APC: variants seen among roughly 807,000 people sequenced by gnomAD.
APC encodes adenomatous polyposis coli protein.
In APC, 72 loss-of-function variants were observed where a neutral mutation model predicts 247.0. The observed-to-expected ratio is 0.29, with a 90% CI of 0.24 to 0.35. APC has a LOEUF of 0.35. APC is among the 10% of genes least tolerant of loss of function. The pLI, the probability that APC is intolerant of heterozygous loss-of-function variation, is 1.00. For missense variants in APC, 3,400 were observed against 3,360.7 expected (o/e 1.01, Z -0.29); for synonymous variants, 1,254 against 1,162.5 (o/e 1.08, Z -1.60).
intron 1 of APC, among the ~76,000 whole-genome samples, chr5:112,727,661 A>G (rs1026245119): frequency 7.2e-5 from 11 of 152,094 alleles, no homozygotes; most frequent in African/African-American, 2.7e-4. Context: ...GATCATTTTG[A>G]TCTTGTTTTC....
intron 1 of APC, among the ~76,000 whole-genome samples, chr5:112,748,157 T>C (rs976625585): frequency 2.3e-4 from 35 of 152,278 alleles, no homozygotes; most frequent in African/African-American, 6.7e-4. Flanking sequence ...ACACGTGGTA[T>C]GGGCTTGGAT....
At chr5:112,709,395 T>G (rs759641653) in intron 1 of APC, among the ~76,000 whole-genome samples, 4 of 152,212 alleles carry the variant, frequency 2.6e-5, no homozygotes, top group Non-Finnish European at 5.9e-5. Flanking sequence ...GTTTGCTTCT[T>G]GTATGGGCTA....
chr5:112,843,081 A>C lies in APC; in HGVS notation c.7487A>C (p.His2496Pro), dbSNP rs1580683176. 6.2e-7 allele frequency: 1 copy of C among 1,613,986 alleles called. No individual in the cohort carries two copies. The highest frequency in any genetic ancestry group is 8.5e-7 in the Non-Finnish European group (1 of 1,179,882). Residue 2496 changes from histidine (H) to proline (P), a missense_variant, in exon 16 of 16, where the codon CAT (histidine) becomes CCT (proline). Around this residue, in one of 9 missense-constraint regions of APC, gnomAD observed 1,788 missense variants for 1,649.5 expected, o/e 1.08. Coordinates refer to ENST00000257430, the MANE Select transcript of APC (RefSeq NM_000038.6). The surrounding 1 kb of genome is among the most constrained non-coding windows in gnomAD (Gnocchi z 4.8). ...CTTCCTGATATGTCTCTATCCACACATTCGTCTGTTCAGGCTGGTGGATGG... is the reference window on the plus strand; with the variant it reads ...CTTCCTGATATGTCTCTATCCACACCTTCGTCTGTTCAGGCTGGTGGATGG... ...PSLPDMSLST[H>P]SSVQAGGWRK...
chr5:112,837,626 A>G lies in APC; in HGVS notation c.2032A>G (p.Ser678Gly), dbSNP rs1765094824. 1 of 1,612,942 alleles carries G rather than the reference A, an allele frequency of 6.2e-7. No individual in the cohort carries two copies. The change falls in exon 16 of 16, where the codon AGT becomes GGT. Residue 678 changes from serine to glycine, a missense_variant. By Grantham distance (56) the Ser-to-Gly change is moderately conservative. This residue lies in a region of APC where 184 missense variants were observed against 248.0 expected (regional missense o/e 0.74). Coordinates refer to ENST00000257430, the MANE Select transcript of APC (RefSeq NM_000038.6). Reference protein sequence around the residue: ...HLKSHSLTIVSNACGTLWNLS... With the variant: ...HLKSHSLTIVGNACGTLWNLS... ...AAAATCTCATAGTTTGACAATAGTCAGTAATGCATGTGGAACTTTGTGGAA... is the reference window on the plus strand; with the variant it reads ...AAAATCTCATAGTTTGACAATAGTCGGTAATGCATGTGGAACTTTGTGGAA...
chr5:112,792,652 C>A, intron 7 of APC, 123 bp downstream of exon 7: 1 of 712,634 alleles, frequency 1.4e-6, no homozygotes, highest in Non-Finnish European at 2.4e-6. Context: ...AATTTAAATA[C>A]CGTAATTTTT....
At chr5:112,823,215 T>C (rs946211773) in intron 11 of APC, 2 of 152,688 alleles carry the variant, frequency 1.3e-5, no homozygotes, top group African/African-American at 4.8e-5. Flanking sequence ...TGTTCCTGTA[T>C]TCCAATGGAT....
upstream of APC, among the ~76,000 whole-genome samples, chr5:112,736,044 T>C (rs1179041784): frequency 6.6e-6 from 1 of 152,202 alleles, no homozygotes; most frequent in Admixed American, 6.5e-5. Context: ...GTATTCTTTG[T>C]TTTGAAAGAC....
chr5:112,728,760 C>G (rs1751939064), intron 1 of APC, among the ~76,000 whole-genome samples: 2 of 151,758 alleles, frequency 1.3e-5, no homozygotes, highest in South Asian at 2.1e-4. Flanking sequence ...CCATTACATT[C>G]AGCTATAAAT....
At chr5:112,814,630 C>G (rs17360289) in intron 8 of APC, among the ~76,000 whole-genome samples, 2,333 of 152,172 alleles carry the variant, frequency 0.015, 32 homozygotes, top group African/African-American at 0.017. Flanking sequence ...CTGAAAATAC[C>G]CTCTCCCTCA....
At chr5:112,834,912 C>T (rs2149840344) in intron 14 of APC, 39 bp from the exon 15 acceptor site, 3 of 1,565,628 alleles carry the variant, frequency 1.9e-6, no homozygotes, top group Admixed American at 1.7e-5. Context: ...AGACAAATTC[C>T]AACTCTAATT....
chr5:112,716,213 C>T (rs1244767743), intron 1 of APC, among the ~76,000 whole-genome samples: 1 of 151,930 alleles, frequency 6.6e-6, no homozygotes, highest in Non-Finnish European at 1.5e-5. Flanking sequence ...TTAAACATTC[C>T]CCTCTAAGCG....
At chr5:112,798,200 A>C (rs1054035192) in intron 7 of APC, among the ~76,000 whole-genome samples, 5 of 152,248 alleles carry the variant, frequency 3.3e-5, no homozygotes, top group Non-Finnish European at 7.3e-5. Flanking sequence ...CTAGTGAATA[A>C]ATAAACAAAA....
Position 112,841,418 on chromosome 5 carries a change from G to T in APC, c.5824G>T (p.Asp1942Tyr), listed in dbSNP as rs1370108946. ...TFPQSSKDIP[D>Y]RGAATDEKLQ... is the part of the protein sequence containing the mutation. ...TCCCCAGTCATCCAAAGACATACCA[G>T]ACAGAGGGGCAGCAACTGATGAAAA... The change falls in exon 16 of 16, where the codon GAC (aspartate) becomes TAC (tyrosine). Residue 1942 changes from aspartate (D) to tyrosine (Y), a missense_variant. By Grantham distance (160) the Asp-to-Tyr change is radical. Transcript: ENST00000257430. The surrounding 1 kb of genome is among the most constrained non-coding windows in gnomAD (Gnocchi z 4.6). The T allele has an allele frequency of 6.2e-7, 1 of 1,613,978 alleles. No individual in the cohort carries two copies. The highest frequency in any genetic ancestry group is 1.7e-5 in the Admixed American group (1 of 60,008).
At chr5:112,807,056 C>G (rs1761491148) in intron 8 of APC, among the ~76,000 whole-genome samples, 1 of 151,454 alleles carries the variant, frequency 6.6e-6, no homozygotes, top group Non-Finnish European at 1.5e-5. Flanking sequence ...TCTCTTGAAC[C>G]TAGGAGGCTG....
At chr5:112,746,710 G>C (rs902956681) in intron 1 of APC, among the ~76,000 whole-genome samples, 1 of 152,160 alleles carries the variant, frequency 6.6e-6, no homozygotes, top group African/African-American at 2.4e-5. Context: ...TGAAATCTGA[G>C]TAAGAATATT....
intron 4 of APC, among the ~76,000 whole-genome samples, chr5:112,770,448 G>A (rs1285516450): frequency 6.6e-6 from 1 of 152,052 alleles, no homozygotes; most frequent in Non-Finnish European, 1.5e-5. Context: ...TGTTGTTACT[G>A]TAGAAAAGAC....
At chr5:112,796,111 C>T (rs997905565) in intron 7 of APC, among the ~76,000 whole-genome samples, 3 of 152,142 alleles carry the variant, frequency 2.0e-5, no homozygotes, top group Non-Finnish European at 4.4e-5. Flanking sequence ...ATAAAGATAA[C>T]CTTTAACTCC....
At chr5:112,767,489 C>T in intron 4 of APC, 99 bp downstream of exon 4, 1 of 961,090 alleles carries the variant, frequency 1.0e-6, no homozygotes, top group Non-Finnish European at 1.6e-6. Flanking sequence ...TAGGTGATAG[C>T]TAACACTTAG....
intron 9 of APC, among the ~76,000 whole-genome samples, chr5:112,817,273 T>G (rs1379624290): frequency 2.0e-5 from 3 of 152,224 alleles, no homozygotes. Context: ...CACAGCATAC[T>G]CTGTATACTC....
Sources: gnomAD v4.1 joint callset for allele counts (sites outside exome capture counted in the v4.1 genomes callset) on GRCh38, gnomAD v4.1.1 for gene constraint, gnomAD v4.1.1 regional missense constraint, Gnocchi (gnomAD v3.1) non-coding constraint, MANE v1.5 for transcripts, NCBI Gene and HGNC (gene_info 2026-07-23, HGNC 2026-07-21) for gene names.